The following RBFOX1 variants were observed in gnomAD, a reference collection of about 807,000 sequenced individuals.
RBFOX1 encodes the protein RNA binding fox-1 homolog 1.
A neutral mutation model predicts 57.7 loss-of-function variants in RBFOX1; 8 were observed. The ratio of observed to expected loss-of-function variants is 0.14; its 90% CI spans 0.08 to 0.25. The LOEUF (loss-of-function observed/expected upper bound fraction) is 0.25, where lower values mean the gene tolerates loss of function less well. RBFOX1 is among the 10% of genes least tolerant of loss of function. The pLI, the probability that RBFOX1 is intolerant of heterozygous loss-of-function variation, is 1.00. For synonymous variants in RBFOX1, 326 were observed against 222.4 expected, an observed-to-expected ratio of 1.47 and a Z score of -4.15; for missense variants, 611 against 548.5, an observed-to-expected ratio of 1.11 and a Z score of -1.14.
chr16:5,581,965 G>C (rs1485070864), intron 2 of RBFOX1, among the ~76,000 whole-genome samples: 3 of 152,222 alleles, frequency 2.0e-5, no homozygotes, highest in Non-Finnish European at 4.4e-5. Flanking sequence ...AAACTCCTTT[G>C]GGGTTTATGC....
Position 5,456,804 on chromosome 16 carries a change from C to T in RBFOX1, c.220-10412C>T, listed in dbSNP as rs188210843. On this transcript the variant is annotated intron_variant, in intron 1 of 2. Transcript: ENST00000585867. ...ATTCCAATGCTTGAATCTCATCCCC[C>T]TTGGAATAACACCTAACCCCTTTCA... 2.0e-5 allele frequency among the ~76,000 whole-genome samples: 3 copies of T among 152,306 alleles called. No homozygotes were observed. The East Asian group carries it at 5.8e-4, about 29-fold the overall frequency.
intron 3 of RBFOX1, among the ~76,000 whole-genome samples, chr16:6,752,888 C>G (rs2075185355): frequency 6.6e-6 from 1 of 151,336 alleles, no homozygotes; most frequent in African/African-American, 2.4e-5. Flanking sequence ...TTCCTCTGTT[C>G]TCCCAGAGAA....
At chr16:7,356,161 A>G (rs893148346) in intron 4 of RBFOX1, among the ~76,000 whole-genome samples, 2 of 152,204 alleles carry the variant, frequency 1.3e-5, no homozygotes, top group South Asian at 2.1e-4. Flanking sequence ...TCACGTAACT[A>G]TCAGGCATTG....
chr16:5,548,615 C>G (rs1036533766), intron 2 of RBFOX1, among the ~76,000 whole-genome samples: 5 of 151,818 alleles, frequency 3.3e-5, no homozygotes, highest in African/African-American at 1.2e-4. Context: ...ATCTCATCTA[C>G]CCCATAAATA....
At chr16:7,042,794 C>G (rs761673780) in intron 3 of RBFOX1, among the ~76,000 whole-genome samples, 6 of 152,084 alleles carry the variant, frequency 3.9e-5, no homozygotes, top group Non-Finnish European at 8.8e-5. Context: ...GGTGTGGTGG[C>G]GCTCACCTGG....
chr16:6,541,673 G>T (rs1321817338), intron 2 of RBFOX1, among the ~76,000 whole-genome samples: 1 of 152,206 alleles, frequency 6.6e-6, no homozygotes, highest in Non-Finnish European at 1.5e-5. Flanking sequence ...GGAAGAGCAA[G>T]AATATCAATT....
chr16:5,787,119 G>C (rs970587262), intron 3 of RBFOX1, among the ~76,000 whole-genome samples: 1 of 152,190 alleles, frequency 6.6e-6, no homozygotes, highest in Non-Finnish European at 1.5e-5. Context: ...GGGAAACAGA[G>C]TGAGATACTG....
intron 3 of RBFOX1, among the ~76,000 whole-genome samples, chr16:6,773,318 A>T (rs1261723801): frequency 1.2e-5 from 1 of 84,922 alleles, no homozygotes; most frequent in African/African-American, 4.9e-5. Flanking sequence ...GTGTTTGGGT[A>T]TGGGGTGCAT....
Position 7,029,046 on chromosome 16 carries a change from CTATATATATATATATA to C in RBFOX1, c.-15-22990_-15-22975del, listed in dbSNP as rs1225538161. 6.2e-4 allele frequency among the ~76,000 whole-genome samples: 28 copies of C among 45,214 alleles called. 2 individuals carry two copies. In the East Asian group the frequency reaches 0.01, roughly 17 times the overall value. The allele number at this position is 45,214 out of a possible 152,430, so 29.7% of individuals were successfully genotyped here. ...TAAGCATAAAACAGAAAAAAAAAAG[CTATATATATATATATA>C]TATATATATATATATATATACACAC... On this transcript the variant is annotated intron_variant, in intron 3 of 15. Transcript: ENST00000550418.
rs112352645 is a variant in RBFOX1, at chr16:5,923,473, G to A, written c.351+56138G>A. Among the ~76,000 whole-genome samples, 222 of 151,992 alleles carry A rather than the reference G, an allele frequency of 1.5e-3. 2 individuals carry two copies. The highest frequency in any genetic ancestry group is 4.9e-3 in the African/African-American group (205 of 41,472). ...TTGGAGCAGCTCCCTGAAGGCTCAC[G>A]GAGAGCAGAGGACAGATTGCGAATT... On this transcript the variant is annotated intron_variant, in intron 4 of 19. Transcript: ENST00000641259.
intron 2 of RBFOX1, among the ~76,000 whole-genome samples, chr16:5,469,826 A>C (rs1052679418): frequency 2.0e-5 from 3 of 152,212 alleles, no homozygotes; most frequent in African/African-American, 7.2e-5. Flanking sequence ...TTCATATCGT[A>C]GCATTCTCTC....
At chr16:6,416,280 G>A (rs371495006) in intron 2 of RBFOX1, among the ~76,000 whole-genome samples, 51 of 152,204 alleles carry the variant, frequency 3.4e-4, no homozygotes, top group African/African-American at 1.1e-3. Context: ...ACTGACAGGC[G>A]CTTGATTTTA....
intron 4 of RBFOX1, among the ~76,000 whole-genome samples, chr16:7,324,080 A>G (rs1386384647): frequency 6.6e-6 from 1 of 152,066 alleles, no homozygotes; most frequent in African/African-American, 2.4e-5. Flanking sequence ...TTTATATGCT[A>G]ATAGTCATCA....
At position 6,555,957 on chromosome 16, in the gene RBFOX1, A is replaced by G. The variant is rs146835039; in HGVS notation, c.-63-98646A>G. On this transcript the variant is annotated intron_variant, in intron 2 of 15. Transcript: ENST00000550418. The stretch of plus-strand genomic sequence containing the variant: ...ATAGGAGGATCGACTCTATTCTGGC[A>G]TTATTGGATGAAAGGGGTTCTTTAT... Among the ~76,000 whole-genome samples the G allele has an allele frequency of 4.4e-4, 67 of 152,292 alleles. No homozygotes were observed. The East Asian group carries it at 9.5e-3, about 22-fold the overall frequency.
intron 4 of RBFOX1, among the ~76,000 whole-genome samples, chr16:7,200,109 C>T (rs1481983745): frequency 2.6e-5 from 4 of 152,262 alleles, no homozygotes; most frequent in Admixed American, 6.5e-5. Context: ...GACATGAACA[C>T]ATAGCACCAA....
chr16:7,431,724 T>A (rs2098682279), intron 4 of RBFOX1, among the ~76,000 whole-genome samples: 1 of 152,208 alleles, frequency 6.6e-6, no homozygotes, highest in Non-Finnish European at 1.5e-5. Context: ...CCTTAGCCTC[T>A]GGCAATTGCT....
chr16:7,061,156 G>C (rs1265778497), intron 4 of RBFOX1, among the ~76,000 whole-genome samples: 1 of 152,148 alleles, frequency 6.6e-6, no homozygotes, highest in Non-Finnish European at 1.5e-5. Context: ...TTGCCCCAAA[G>C]TAATTAGTTC....
chr16:6,433,512 A>G (rs1351518748), intron 2 of RBFOX1, among the ~76,000 whole-genome samples: 3 of 152,174 alleles, frequency 2.0e-5, no homozygotes, highest in African/African-American at 7.2e-5. Context: ...AGAATTTCCC[A>G]TTCCTCTGTA....
At position 5,760,417 on chromosome 16, in the gene RBFOX1, C is replaced by T. The variant is rs146489731; in HGVS notation, c.319-106886C>T. ...ATACACACACACATACATATATACC[C>T]CCAAAGAATTGTAAGTAGGTATTCA... On this transcript the variant is annotated intron_variant, in intron 3 of 19. Transcript: ENST00000641259. Among the ~76,000 whole-genome samples, 225 of 152,138 alleles carry T rather than the reference C, an allele frequency of 1.5e-3. 1 individual carries two copies. The highest frequency in any genetic ancestry group is 2.6e-3 in the Non-Finnish European group (178 of 67,990).
Sources: allele counts gnomAD v4.1 joint callset (sites outside exome capture counted in the v4.1 genomes callset), GRCh38; gene constraint gnomAD v4.1.1; transcripts MANE v1.5; gene names NCBI Gene and HGNC (gene_info 2026-07-23, HGNC 2026-07-21).